Variants in CFAP47 observed in about 807,000 individuals in gnomAD.
CFAP47 encodes the protein cilia- and flagella-associated protein 47.
A neutral mutation model predicts 148.1 loss-of-function variants in CFAP47; 29 were observed. The observed-to-expected ratio is 0.20, with a 90% CI of 0.15 to 0.27. The LOEUF is 0.27. Ranked by LOEUF, CFAP47 falls within the 10% of genes least tolerant of loss-of-function variation. CFAP47 has a pLI of 1.00. For synonymous variants in CFAP47, 664 were observed against 577.3 expected (o/e 1.15, Z -2.15); for missense variants, 1,872 against 1,697.5 (o/e 1.10, Z -1.81).
intron 52 of CFAP47, among the ~76,000 whole-genome samples, chrX:36,299,549 A>G (rs1444121030): frequency 9.0e-6 from 1 of 111,626 alleles, no homozygotes; most frequent in Non-Finnish European, 1.9e-5. Flanking sequence ...TGGAGGACAT[A>G]AAGGAATTAA....
chrX:36,380,278 A>T (rs782734002), intron 63 of CFAP47, among the ~76,000 whole-genome samples: 28 of 111,781 alleles, frequency 2.5e-4, no homozygotes, highest in Non-Finnish European at 4.9e-4. Context: ...CCAGTGCCAT[A>T]GGCAGAAAAA....
In CFAP47 at chrX:36,236,878, T is replaced by C; in HGVS notation, c.7332+19T>C. ...ATTTAAGGTAAGAATTTATTTTTAGTGTGAAAGTGTTTTTTTCTGAATATA... is the reference window on the plus strand; with the variant it reads ...ATTTAAGGTAAGAATTTATTTTTAGCGTGAAAGTGTTTTTTTCTGAATATA... On this transcript the variant is annotated intron_variant, in intron 48 of 63. Transcript: ENST00000378653. 1 of 436,881 alleles carries C rather than the reference T, an allele frequency of 2.3e-6. No individual in the cohort carries two copies. Among genetic ancestry groups the C allele is most frequent in the Non-Finnish European group, 4.1e-6 (1 of 246,636 alleles). The allele number at this position is 436,881 out of a possible 1,213,427, so 36.0% of individuals were successfully genotyped here.
intron 49 of CFAP47, among the ~76,000 whole-genome samples, chrX:36,261,330 T>TTTC (rs1556000002): frequency 1.1e-5 from 1 of 93,993 alleles, no homozygotes; most frequent in African/African-American, 4.2e-5. Flanking sequence ...CTTTTTTTTT[T>TTTC]TTTTTTTTTT....
intron 51 of CFAP47, among the ~76,000 whole-genome samples, chrX:36,292,949 T>C (rs1265741345): frequency 9.0e-6 from 1 of 111,395 alleles, no homozygotes; most frequent in Non-Finnish European, 1.9e-5. Flanking sequence ...ATGTACAATA[T>C]GTAATACATA....
At chrX:36,150,828 G>A (rs1315899177) in intron 37 of CFAP47, among the ~76,000 whole-genome samples, 1 of 110,945 alleles carries the variant, frequency 9.0e-6, no homozygotes, top group African/African-American at 3.3e-5. Flanking sequence ...TAAAATATTA[G>A]AATAAAATTC....
At chrX:36,005,818 C>G (rs1171011805) in intron 21 of CFAP47, among the ~76,000 whole-genome samples, 1 of 111,053 alleles carries the variant, frequency 9.0e-6, no homozygotes, top group African/African-American at 3.3e-5. Context: ...TAATTCTTTT[C>G]TCACAAGTTA....
intron 33 of CFAP47, among the ~76,000 whole-genome samples, chrX:36,112,405 T>C (rs777160217): frequency 2.0e-4 from 22 of 111,895 alleles, no homozygotes; most frequent in Non-Finnish European, 3.9e-4. Context: ...CATGTAATTA[T>C]ATGGTTTTGA....
At chrX:36,155,162 C>T (rs1303245436) in intron 37 of CFAP47, among the ~76,000 whole-genome samples, 1 of 110,630 alleles carries the variant, frequency 9.0e-6, no homozygotes, top group Non-Finnish European at 1.9e-5. Flanking sequence ...ACATCCTGTT[C>T]TTAAATTGAG....
intron 45 of CFAP47, among the ~76,000 whole-genome samples, chrX:36,217,978 A>G (rs1310859014): frequency 8.9e-6 from 1 of 111,956 alleles, no homozygotes; most frequent in Non-Finnish European, 1.9e-5. Flanking sequence ...ACAATTATAT[A>G]TTTAGGGAGG....
Position 35,955,996 on chromosome X carries a change from G to A in CFAP47, c.1210G>A (p.Gly404Ser), listed in dbSNP as rs1410326527. The part of the protein sequence containing the change: ...RFQKVELALT[G>S]TGLPVLLQFD... ...TCAGAAAGTGGAATTAGCACTGACAGGCACAGGACTTCCTGTTTTACTACA... is the reference window on the plus strand; with the variant it reads ...TCAGAAAGTGGAATTAGCACTGACAAGCACAGGACTTCCTGTTTTACTACA... The change falls in exon 8 of 64, where the codon GGC becomes AGC. Residue 404 changes from glycine (G) to serine (S), a missense_variant. Coordinates refer to ENST00000378653, the MANE Select transcript of CFAP47 (RefSeq NM_001304548.2). 1 of 1,210,505 alleles carries A rather than the reference G, an allele frequency of 8.3e-7. No individual in the cohort carries two copies. Among genetic ancestry groups the A allele is most frequent in the Non-Finnish European group, 1.1e-6 (1 of 895,343 alleles).
chrX:36,345,316 G>C, intron 57 of CFAP47, among the ~76,000 whole-genome samples: 1 of 111,665 alleles, frequency 9.0e-6, no homozygotes, highest in Middle Eastern at 4.6e-3. Context: ...TTTTTCCAGA[G>C]ATGCGGTACA....
At position 35,975,695 on chromosome X, in the gene CFAP47, A is replaced by G. The variant is rs148767098; in HGVS notation, c.2495A>G (p.Asn832Ser). The change falls in exon 15 of 64, where the codon AAT (asparagine) becomes AGT (serine). Residue 832 changes from asparagine to serine, a missense_variant. Asn to Ser is a conservative substitution (Grantham distance 46). Transcript: ENST00000378653. ...AGGTCTTTCACCTTTACAGTGAACA[A>G]TGTACCCAGTGGACACATCCTAGTG... ...FWKSFTFTVN[N>S]VPSGHILVVA... 7.4e-6 allele frequency: 9 copies of G among 1,208,126 alleles called. No individual in the cohort carries two copies. The highest frequency in any genetic ancestry group is 2.3e-4 in the Middle Eastern group (1 of 4,344).
At chrX:35,924,445 CTA>C (rs1457957786) in intron 1 of CFAP47, among the ~76,000 whole-genome samples, 3 of 101,597 alleles carry the variant, frequency 3.0e-5, no homozygotes, top group African/African-American at 1.1e-4. Context: ...ATATGTACAC[CTA>C]TATGTGTATA....
At chrX:36,142,621 A>G (rs1254001377) in intron 35 of CFAP47, among the ~76,000 whole-genome samples, 1 of 111,837 alleles carries the variant, frequency 8.9e-6, no homozygotes, top group East Asian at 2.8e-4. Context: ...TTAAATGTAT[A>G]AGGAAAGGTA....
At chrX:35,945,871 C>CTTT (rs34966421) in intron 3 of CFAP47, among the ~76,000 whole-genome samples, 21 of 87,663 alleles carry the variant, frequency 2.4e-4, no homozygotes, top group East Asian at 3.6e-4. Context: ...TTCTCCTTCT[C>CTTT]TTTTTTTTTT....
chrX:36,125,523 A>G (rs1938820570), intron 33 of CFAP47, among the ~76,000 whole-genome samples: 1 of 112,214 alleles, frequency 8.9e-6, no homozygotes, highest in Admixed American at 9.5e-5. Flanking sequence ...ATAAATATAC[A>G]TATACACATC....
chrX:36,059,553 G>C (rs1476920383), intron 26 of CFAP47, among the ~76,000 whole-genome samples: 3 of 111,828 alleles, frequency 2.7e-5, no homozygotes, highest in African/African-American at 9.7e-5. Flanking sequence ...GTCAAGGCGT[G>C]ATATTTAGCA....
intron 60 of CFAP47, among the ~76,000 whole-genome samples, chrX:36,354,480 CAAAA>C (rs869120972): frequency 4.9e-5 from 2 of 40,542 alleles, no homozygotes; most frequent in African/African-American, 7.5e-5. Flanking sequence ...GACTCTGTCT[CAAAA>C]AAAAAAAAAA....
At chrX:36,293,850 G>A (rs1941215127) in intron 51 of CFAP47, among the ~76,000 whole-genome samples, 1 of 111,391 alleles carries the variant, frequency 9.0e-6, no homozygotes, top group African/African-American at 3.3e-5. Context: ...CTTTAAGGAG[G>A]GGAAGCTGAT....
Sources: allele counts gnomAD v4.1 joint callset (sites outside exome capture counted in the v4.1 genomes callset), GRCh38; gene constraint gnomAD v4.1.1; transcripts MANE v1.5; gene names NCBI Gene and HGNC (gene_info 2026-07-23, HGNC 2026-07-21).